BRD4: variants seen among roughly 807,000 people sequenced by gnomAD.
The protein encoded by BRD4 is bromodomain containing 4.
In BRD4, 16 loss-of-function variants were observed where a neutral mutation model predicts 142.1. The ratio of observed to expected loss-of-function variants is 0.11; its 90% CI spans 0.08 to 0.17. The LOEUF is 0.17. BRD4 is among the 10% of genes least tolerant of loss of function. BRD4 has a pLI of 1.00. For synonymous variants in BRD4, 833 were observed against 707.5 expected (o/e 1.18, Z -2.82); for missense variants, 1,424 against 1,810.9 (o/e 0.79, Z 3.88).
In BRD4 at chr19:15,239,481, G is replaced by C. The variant is rs755543448; in HGVS notation, c.3487C>G (p.Arg1163Gly). Reference sequence around the variant, plus strand: ...GGCGGTGCGTTCTGCTCTGGGGGCCGGATCACAGGCCTCCCGACATCCACA... The same window carrying C: ...GGCGGTGCGTTCTGCTCTGGGGGCCCGATCACAGGCCTCCCGACATCCACA... ...KPVDVGRPVI[R>G]PPEQNAPPPG... Residue 1163 changes from arginine to glycine, a missense_variant, in exon 17 of 20, where the codon CGG (arginine) becomes GGG (glycine). This residue lies in a region of BRD4 where 598 missense variants were observed against 647.8 expected (regional missense o/e 0.92). Coordinates refer to ENST00000679869, the MANE Select transcript of BRD4 (RefSeq NM_001379291.1). This position sits in a 1 kb window ranked among gnomAD's most constrained non-coding sequence, Gnocchi z 7.4. 6.2e-7 allele frequency: 1 copy of C among 1,613,996 alleles called. No individual in the cohort carries two copies. The highest frequency in any genetic ancestry group is 8.5e-7 in the Non-Finnish European group (1 of 1,179,994).
chr19:15,303,809 CA>C (rs2047891521), intron 1 of BRD4, among the ~76,000 whole-genome samples: 1 of 152,182 alleles, frequency 6.6e-6, no homozygotes. Flanking sequence ...CTGTTTCTGT[CA>C]GGATGTTTCC....
At chr19:15,278,784 T>C (rs1295127984) in intron 1 of BRD4, among the ~76,000 whole-genome samples, 9 of 152,102 alleles carry the variant, frequency 5.9e-5, no homozygotes, top group Admixed American at 5.9e-4. Flanking sequence ...TCTGGGTTAA[T>C]GAAAATAAAA....
chr19:15,297,949 G>A (rs750774214), intron 1 of BRD4, among the ~76,000 whole-genome samples: 3 of 152,244 alleles, frequency 2.0e-5, no homozygotes, highest in Admixed American at 6.5e-5. Context: ...CTGCCTGCAA[G>A]ATGAAAGAAA....
chr19:15,326,751 C>G (rs374485130), intron 1 of BRD4, among the ~76,000 whole-genome samples: 171 of 152,308 alleles, frequency 1.1e-3, no homozygotes, highest in African/African-American at 3.8e-3. Context: ...ATGGGACAGA[C>G]GGCTGCTCTG....
chr19:15,262,783 T>C (rs190660234), intron 7 of BRD4, among the ~76,000 whole-genome samples: 18 of 152,254 alleles, frequency 1.2e-4, no homozygotes, highest in African/African-American at 3.4e-4. Flanking sequence ...ATTGACTTTA[T>C]TCTCCAAAAT....
intron 4 of BRD4, among the ~76,000 whole-genome samples, chr19:15,266,605 T>C (rs1455990828): frequency 6.6e-6 from 1 of 152,132 alleles, no homozygotes; most frequent in Non-Finnish European, 1.5e-5. Context: ...TGTGATCTGA[T>C]AGGTACAAGA....
Position 15,238,476 on chromosome 19 carries a change from G to T in BRD4, c.4021-31C>A. 6 of 1,613,642 alleles carry T rather than the reference G, an allele frequency of 3.7e-6. No individual in the cohort carries two copies. Among genetic ancestry groups the T allele is most frequent in the Non-Finnish European group, 5.1e-6 (6 of 1,179,876 alleles). On this transcript the variant is annotated intron_variant, in intron 19 of 19. Coordinates refer to ENST00000679869, the MANE Select transcript of BRD4 (RefSeq NM_001379291.1). The surrounding 1 kb of genome is among the most constrained non-coding windows in gnomAD (Gnocchi z 7.2). ...GGAGAAAGGAAGGAGGGAGTCAGGA[G>T]GATGACCTAGCCACCCTGCAGCTAC...
intron 1 of BRD4, among the ~76,000 whole-genome samples, chr19:15,325,119 G>A (rs997436558): frequency 2.0e-5 from 3 of 152,144 alleles, no homozygotes; most frequent in Non-Finnish European, 4.4e-5. Flanking sequence ...AACCTTGAGA[G>A]GGCACAGCAC....
intron 1 of BRD4, among the ~76,000 whole-genome samples, chr19:15,323,147 GC>G (rs1315587615): frequency 8.3e-6 from 1 of 120,854 alleles, no homozygotes; most frequent in African/African-American, 3.3e-5. Flanking sequence ...TTCAAGTCCA[GC>G]CTGAGCAACA....
intron 7 of BRD4, among the ~76,000 whole-genome samples, chr19:15,260,094 C>A (rs1185968340): frequency 6.6e-6 from 1 of 152,218 alleles, no homozygotes; most frequent in African/African-American, 2.4e-5. Flanking sequence ...CAGACCTACA[C>A]CTCACTCCTC....
rs201931565 is a variant in BRD4 at position 15,272,784 on chromosome 19, G to A, written c.285+31C>T. 156 of 1,594,102 alleles carry A rather than the reference G, an allele frequency of 9.8e-5. No individual in the cohort carries two copies. The East Asian group carries it at 1.7e-3, about 18-fold the overall frequency. On this transcript the variant is annotated intron_variant, in intron 2 of 19. Coordinates refer to ENST00000679869, the MANE Select transcript of BRD4 (RefSeq NM_001379291.1). ...ACATGCAGGAGACGACCTCCAGGAC[G>A]GCCACCCTGGGCCCTGCCCACACTA...
intron 1 of BRD4, among the ~76,000 whole-genome samples, chr19:15,279,618 T>C (rs1347823550): frequency 6.6e-6 from 1 of 152,090 alleles, no homozygotes; most frequent in Non-Finnish European, 1.5e-5. Context: ...AAGCAGGATA[T>C]AGATAGATAC....
chr19:15,312,459 C>T (rs1377952504), intron 1 of BRD4, among the ~76,000 whole-genome samples: 4 of 152,162 alleles, frequency 2.6e-5, no homozygotes, highest in Admixed American at 2.6e-4. Flanking sequence ...GGTGAAACCC[C>T]GTCTCTACTA....
At chr19:15,302,713 G>A (rs374692924) in intron 1 of BRD4, among the ~76,000 whole-genome samples, 163 of 142,814 alleles carry the variant, frequency 1.1e-3, no homozygotes, top group African/African-American at 3.9e-3. Flanking sequence ...AAATTAAAAA[G>A]TGCTTTTCTG....
At chr19:15,292,223 A>G (rs981713888) in intron 1 of BRD4, among the ~76,000 whole-genome samples, 13 of 152,308 alleles carry the variant, frequency 8.5e-5, no homozygotes, top group African/African-American at 2.9e-4. Context: ...TGTATCCTGG[A>G]ATTCTCAGAA....
intron 11 of BRD4, chr19:15,253,298 G>A (rs1335934823): frequency 3.6e-6 from 2 of 553,522 alleles, no homozygotes; most frequent in African/African-American, 1.9e-5. Context: ...TCTCCCCTGC[G>A]CCAGCCTGAG....
At chr19:15,301,837 G>A (rs1221294254) in intron 1 of BRD4, among the ~76,000 whole-genome samples, 1 of 150,248 alleles carries the variant, frequency 6.7e-6, no homozygotes, top group Admixed American at 6.6e-5. Context: ...ACTCCAGCCT[G>A]GGCGACAGAG....
intron 14 of BRD4, among the ~76,000 whole-genome samples, chr19:15,240,488 C>A (rs2047230018): frequency 6.6e-6 from 1 of 152,184 alleles, no homozygotes; most frequent in Non-Finnish European, 1.5e-5. Context: ...GGTGCAAGAC[C>A]CAGTCCTGGG....
intron 11 of BRD4, chr19:15,245,034 CG>C (rs2047273342): frequency 3.5e-6 from 2 of 571,876 alleles, no homozygotes; most frequent in East Asian, 3.2e-5. Context: ...ACGGTTGCAC[CG>C]GAAGCTGAGA....
Sources: gnomAD v4.1 joint callset for allele counts (sites outside exome capture counted in the v4.1 genomes callset) on GRCh38, gnomAD v4.1.1 for gene constraint, gnomAD v4.1.1 regional missense constraint, Gnocchi (gnomAD v3.1) non-coding constraint, MANE v1.5 for transcripts, NCBI Gene and HGNC (gene_info 2026-07-23, HGNC 2026-07-21) for gene names.